RERE: variants seen among roughly 807,000 people sequenced by gnomAD.
The protein encoded by RERE is arginine-glutamic acid dipeptide repeats protein.
RERE carries 40 observed loss-of-function variants against 146.1 expected under a neutral mutation model. The observed-to-expected ratio is 0.27, with a 90% CI of 0.21 to 0.36. The LOEUF is 0.36. RERE is among the 10% of genes least tolerant of loss of function. RERE has a pLI of 1.00. For missense variants in RERE, 1,933 were observed against 2,138.7 expected, an observed-to-expected ratio of 0.90 and a Z score of 1.90; for synonymous variants, 1,003 against 866.0, an observed-to-expected ratio of 1.16 and a Z score of -2.78.
intron 1 of RERE, among the ~76,000 whole-genome samples, chr1:8,737,629 T>A (rs1640227808): frequency 6.6e-6 from 1 of 152,076 alleles, no homozygotes; most frequent in Non-Finnish European, 1.5e-5. Flanking sequence ...AGAGACAGGA[T>A]TTCCCTATGT....
At chr1:8,607,530 A>ATATTT (rs1646732034) in intron 4 of RERE, among the ~76,000 whole-genome samples, 1 of 57,582 alleles carries the variant, frequency 1.7e-5, no homozygotes, top group East Asian at 9.6e-4. Flanking sequence ...TTTTATATAT[A>ATATTT]TTTCTTTTTT....
chr1:8,557,589 C>T (rs1646022638), intron 4 of RERE, 66 bp from the exon 5 acceptor site: 1 of 1,022,524 alleles, frequency 9.8e-7, no homozygotes, highest in Non-Finnish European at 1.5e-6. Context: ...ATATCATACC[C>T]ATGACCAAAA....
At chr1:8,765,691 T>C (rs1212015271) in intron 1 of RERE, among the ~76,000 whole-genome samples, 1 of 152,122 alleles carries the variant, frequency 6.6e-6, no homozygotes, top group Admixed American at 6.5e-5. Context: ...AGGTAGCTCA[T>C]ACCTGTAATC....
chr1:8,661,153 T>C (rs991527674), intron 1 of RERE, among the ~76,000 whole-genome samples: 1 of 152,160 alleles, frequency 6.6e-6, no homozygotes, highest in Non-Finnish European at 1.5e-5. Context: ...GCTTTGACCC[T>C]GAGTAGGAGC....
chr1:8,687,165 G>A (rs1225604854), intron 1 of RERE, among the ~76,000 whole-genome samples: 1 of 152,214 alleles, frequency 6.6e-6, no homozygotes, highest in East Asian at 1.9e-4. Context: ...TGCTGGGAAA[G>A]ATCCAGCAGA....
chr1:8,702,451 G>A (rs1034580133), intron 1 of RERE, among the ~76,000 whole-genome samples: 9 of 152,192 alleles, frequency 5.9e-5, no homozygotes, highest in Admixed American at 5.9e-4. Context: ...AAACAAGGAA[G>A]ACAGCATCCC....
chr1:8,581,403 G>A (rs1178879199), intron 4 of RERE, among the ~76,000 whole-genome samples: 1 of 152,150 alleles, frequency 6.6e-6, no homozygotes, highest in Non-Finnish European at 1.5e-5. Flanking sequence ...AGACATATGA[G>A]TGACAAATAT....
chr1:8,714,562 T>C (rs1265981233), intron 1 of RERE, among the ~76,000 whole-genome samples: 2 of 151,894 alleles, frequency 1.3e-5, no homozygotes, highest in African/African-American at 4.8e-5. Flanking sequence ...CTCAGGAAAA[T>C]ACTTCACAAA....
intron 12 of RERE, among the ~76,000 whole-genome samples, chr1:8,377,996 CTT>C (rs2124401321): frequency 6.6e-6 from 1 of 152,256 alleles, no homozygotes; most frequent in East Asian, 1.9e-4. Flanking sequence ...CAACACTTCT[CTT>C]ATATTTTATG....
intron 1 of RERE, among the ~76,000 whole-genome samples, chr1:8,778,383 A>C (rs1210724410): frequency 1.3e-5 from 2 of 152,240 alleles, no homozygotes; most frequent in African/African-American, 2.4e-5. Context: ...CTTATCAAGA[A>C]CTGATGATAC....
intron 1 of RERE, among the ~76,000 whole-genome samples, chr1:8,735,849 G>C (rs1284705616): frequency 1.3e-5 from 2 of 151,938 alleles, no homozygotes; most frequent in Non-Finnish European, 2.9e-5. Context: ...GGCCTCCCCA[G>C]CCTTGCTTCC....
chr1:8,758,091 A>ATT (rs548769619), intron 1 of RERE, among the ~76,000 whole-genome samples: 4 of 145,566 alleles, frequency 2.7e-5, no homozygotes, highest in Admixed American at 1.4e-4. Flanking sequence ...GTCAAGTTCA[A>ATT]TTTTTTTTTT....
At chr1:8,652,564 T>G (rs192203570) in intron 2 of RERE, among the ~76,000 whole-genome samples, 1 of 152,280 alleles carries the variant, frequency 6.6e-6, no homozygotes, top group East Asian at 1.9e-4. Context: ...TCCACAGGGC[T>G]GGGGAGGCCT....
At position 8,484,323 on chromosome 1, in the gene RERE, A is replaced by C. The variant is rs866593116; in HGVS notation, c.1104+10740T>G. On this transcript the variant is annotated intron_variant, in intron 10 of 22. Coordinates refer to ENST00000400908, the MANE Select transcript of RERE (RefSeq NM_001042681.2). ...AGCCTAATGCAAACACTGTATGAGG[A>C]AACACACACAGAAATATTTCCACAC... Among the ~76,000 whole-genome samples, 3 of 152,342 alleles carry C rather than the reference A, an allele frequency of 2.0e-5. No homozygotes were observed. In the Middle Eastern group the frequency reaches 0.01, roughly 518 times the overall value.
chr1:8,672,403 G>A (rs1008651342), intron 1 of RERE, among the ~76,000 whole-genome samples: 5 of 152,132 alleles, frequency 3.3e-5, no homozygotes, highest in African/African-American at 1.2e-4. Flanking sequence ...TCAAACTCCT[G>A]AGCTCAAGCA....
At position 8,558,778 on chromosome 1, in the gene RERE, ATTTCTTTTTTTTTTCCT is replaced by A. The variant is rs1464260528; in HGVS notation, c.523-1272_523-1256del. On this transcript the variant is annotated intron_variant, in intron 4 of 22. Transcript: ENST00000400908. ...CAGAACTCAAATGTGAAGATGTGTT[ATTTCTTTTTTTTTTCCT>A]TTTCTTTTTTTTTTTTTTGAGAAGG... Among the ~76,000 whole-genome samples the A allele has an allele frequency of 2.9e-3, 441 of 150,056 alleles. 2 individuals are homozygous for A. Among genetic ancestry groups the A allele is most frequent in the African/African-American group, 0.01 (418 of 40,968 alleles).
chr1:8,695,256 C>T (rs1331122150), intron 1 of RERE, among the ~76,000 whole-genome samples: 1 of 152,098 alleles, frequency 6.6e-6, no homozygotes, highest in Non-Finnish European at 1.5e-5. Flanking sequence ...CATATATAAA[C>T]ATCAACTCAA....
intron 12 of RERE, among the ~76,000 whole-genome samples, chr1:8,409,803 C>G (rs940328909): frequency 3.3e-5 from 5 of 152,072 alleles, no homozygotes; most frequent in African/African-American, 9.7e-5. Flanking sequence ...TGGGGAGGGC[C>G]TGGCGACATG....
intron 1 of RERE, among the ~76,000 whole-genome samples, chr1:8,791,170 T>C (rs779103316): frequency 3.3e-5 from 5 of 152,168 alleles, no homozygotes; most frequent in Non-Finnish European, 7.3e-5. Context: ...TTACATGAGG[T>C]CACACACCCA....
Sources: allele counts gnomAD v4.1 joint callset (sites outside exome capture counted in the v4.1 genomes callset), GRCh38; gene constraint gnomAD v4.1.1; transcripts MANE v1.5; gene names NCBI Gene and HGNC (gene_info 2026-07-23, HGNC 2026-07-21).